The following VTI1A variants were observed in gnomAD, a reference collection of about 807,000 sequenced individuals.
The protein encoded by VTI1A is vesicle transport through interaction with t-SNAREs 1A.
VTI1A carries 22 observed loss-of-function variants against 34.9 expected under a neutral mutation model. The ratio of observed to expected loss-of-function variants is 0.63; its 90% CI spans 0.45 to 0.90. The LOEUF is 0.90. VTI1A is among the 40% of genes least tolerant of loss of function. The pLI is 0.00. For synonymous variants in VTI1A, 87 were observed against 97.3 expected, an observed-to-expected ratio of 0.89 and a Z score of 0.62; for missense variants, 268 against 275.6, an observed-to-expected ratio of 0.97 and a Z score of 0.20.
intron 5 of VTI1A, among the ~76,000 whole-genome samples, chr10:112,585,181 T>G (rs970102818): frequency 6.6e-6 from 1 of 152,174 alleles, no homozygotes; most frequent in Non-Finnish European, 1.5e-5. Context: ...GATTCACATC[T>G]CCTAACTTGT....
chr10:112,519,547 A>T (rs1849934234), intron 3 of VTI1A, among the ~76,000 whole-genome samples: 1 of 152,120 alleles, frequency 6.6e-6, no homozygotes, highest in Admixed American at 6.6e-5. Flanking sequence ...CTTTAGACTA[A>T]TTAGCTGATG....
intron 7 of VTI1A, among the ~76,000 whole-genome samples, chr10:112,809,512 A>G (rs974345459): frequency 7.2e-5 from 11 of 152,204 alleles, no homozygotes; most frequent in African/African-American, 2.7e-4. Context: ...AGGCAGGTAC[A>G]GGATGCTGCT....
At chr10:112,615,855 G>A (rs575468382) in intron 5 of VTI1A, among the ~76,000 whole-genome samples, 22 of 152,268 alleles carry the variant, frequency 1.4e-4, no homozygotes, top group African/African-American at 5.1e-4. Context: ...GGCACACTGA[G>A]ACAGTGAGGT....
intron 4 of VTI1A, among the ~76,000 whole-genome samples, chr10:112,537,456 A>T (rs1426628293): frequency 6.0e-5 from 9 of 151,244 alleles, no homozygotes; most frequent in Non-Finnish European, 8.9e-5. Flanking sequence ...AACCATCTCA[A>T]TGGAGGAAAG....
chr10:112,540,940 C>A (rs746438732), intron 5 of VTI1A, among the ~76,000 whole-genome samples: 19 of 152,236 alleles, frequency 1.2e-4, no homozygotes, highest in Non-Finnish European at 4.4e-5. Context: ...GGTCTGAGAG[C>A]CAGTTCTAGA....
rs1180451909 is a variant in VTI1A at position 112,597,693 on chromosome 10, C to CTTTTTTT, written c.427+59379_427+59385dup. On this transcript the variant is annotated intron_variant, in intron 5 of 7. Transcript: ENST00000393077. ...TGGGCAACATAGTGAGACCTTGTCT[C>CTTTTTTT]TTTTTTTTTTTTTTTTTTTTTTGAG... Among the ~76,000 whole-genome samples the CTTTTTTT allele has an allele frequency of 3.9e-3, 350 of 90,612 alleles. 26 individuals carry two copies. Among genetic ancestry groups the CTTTTTTT allele is most frequent in the African/African-American group, 0.014 (315 of 23,188 alleles). 59.4% of individuals were successfully genotyped at this position (90,612 alleles called of 152,430 possible).
chr10:112,659,075 C>A (rs1479764667), intron 5 of VTI1A, among the ~76,000 whole-genome samples: 4 of 152,144 alleles, frequency 2.6e-5, no homozygotes, highest in African/African-American at 7.2e-5. Flanking sequence ...TTCTAAGAAG[C>A]CTTTCTAATT....
At chr10:112,568,853 C>G (rs750548341) in intron 5 of VTI1A, among the ~76,000 whole-genome samples, 2 of 152,066 alleles carry the variant, frequency 1.3e-5, no homozygotes, top group Admixed American at 6.6e-5. Flanking sequence ...TGCAGTAGGC[C>G]CACTTAAAAG....
chr10:112,501,093 G>A (rs1364529069), intron 3 of VTI1A, among the ~76,000 whole-genome samples: 1 of 152,000 alleles, frequency 6.6e-6, no homozygotes, highest in African/African-American at 2.4e-5. Context: ...TGGTATCATC[G>A]AGGAGCTCAC....
intron 3 of VTI1A, among the ~76,000 whole-genome samples, chr10:112,493,563 A>G (rs1267464561): frequency 6.6e-6 from 1 of 152,174 alleles, no homozygotes; most frequent in Non-Finnish European, 1.5e-5. Context: ...TTTAGGGGGA[A>G]GTATTCTGAT....
intron 5 of VTI1A, among the ~76,000 whole-genome samples, chr10:112,569,704 A>T (rs1852046527): frequency 6.6e-6 from 1 of 152,178 alleles, no homozygotes. Flanking sequence ...GAAAGTGGGT[A>T]AAAACTTGCA....
At chr10:112,603,634 A>G (rs988616734) in intron 5 of VTI1A, among the ~76,000 whole-genome samples, 2 of 152,088 alleles carry the variant, frequency 1.3e-5, no homozygotes, top group Non-Finnish European at 2.9e-5. Context: ...TATCCTAGGA[A>G]TTTCCAAAAT....
At chr10:112,546,446 G>A (rs1851132462) in intron 5 of VTI1A, among the ~76,000 whole-genome samples, 1 of 151,988 alleles carries the variant, frequency 6.6e-6, no homozygotes, top group African/African-American at 2.4e-5. Context: ...TACTCCCTAT[G>A]AAATAATTAA....
At chr10:112,761,889 C>T (rs1851480729) in intron 7 of VTI1A, among the ~76,000 whole-genome samples, 1 of 151,732 alleles carries the variant, frequency 6.6e-6, no homozygotes, top group Admixed American at 6.6e-5. Context: ...CCATAAGAAA[C>T]TATCTTATTT....
intron 7 of VTI1A, among the ~76,000 whole-genome samples, chr10:112,684,329 A>C (rs1848324228): frequency 6.6e-6 from 1 of 152,074 alleles, no homozygotes; most frequent in African/African-American, 2.4e-5. Context: ...TCTGTTAAAC[A>C]TACAGGTTTT....
intron 7 of VTI1A, among the ~76,000 whole-genome samples, chr10:112,756,032 G>A (rs1418092194): frequency 1.3e-5 from 2 of 152,070 alleles, no homozygotes; most frequent in African/African-American, 4.8e-5. Flanking sequence ...CCCATTTAGA[G>A]TAATTCCCAG....
intron 5 of VTI1A, among the ~76,000 whole-genome samples, chr10:112,650,217 A>G (rs1846955728): frequency 6.6e-6 from 1 of 152,168 alleles, no homozygotes; most frequent in South Asian, 2.1e-4. Context: ...TTCTATTTTT[A>G]ATTTTTTTTC....
intron 7 of VTI1A, among the ~76,000 whole-genome samples, chr10:112,765,494 G>C (rs1463126105): frequency 6.6e-6 from 1 of 152,198 alleles, no homozygotes; most frequent in Non-Finnish European, 1.5e-5. Context: ...ACAGGCATGA[G>C]CCACCTCACC....
At chr10:112,823,249 T>C (rs555760575), downstream of VTI1A, among the ~76,000 whole-genome samples, 1 of 152,344 alleles carries the variant, frequency 6.6e-6, no homozygotes, top group African/African-American at 2.4e-5. Flanking sequence ...CTTCCAGGAC[T>C]GGCCTAGGAG....
Sources: allele counts gnomAD v4.1 joint callset (sites outside exome capture counted in the v4.1 genomes callset), GRCh38; gene constraint gnomAD v4.1.1; transcripts MANE v1.5; gene names NCBI Gene and HGNC (gene_info 2026-07-23, HGNC 2026-07-21).